Variants in PAK4 observed in about 807,000 individuals in gnomAD.
PAK4 encodes p21 (RAC1) activated kinase 4, also known as serine/threonine-protein kinase PAK 4.
PAK4 carries 49 observed loss-of-function variants against 53.5 expected under a neutral mutation model. That is an observed-to-expected ratio of 0.92 (90% CI 0.73 to 1.16). The LOEUF is 1.16. Among genes scored for constraint, PAK4 ranks in the 50% most tolerant of loss-of-function variants. PAK4 has a pLI of 0.00. For missense variants in PAK4, 824 were observed against 850.7 expected, an observed-to-expected ratio of 0.97 and a Z score of 0.39; for synonymous variants, 376 against 375.6, an observed-to-expected ratio of 1.00 and a Z score of -0.01.
At chr19:39,127,376 CCT>C (rs2073606689) in intron 1 of PAK4, among the ~76,000 whole-genome samples, 1 of 152,034 alleles carries the variant, frequency 6.6e-6, no homozygotes, top group Admixed American at 6.6e-5. Context: ...CCCACCCTGC[CCT>C]CTCTCACTGA....
intron 1 of PAK4, among the ~76,000 whole-genome samples, chr19:39,158,778 G>A (rs1483367427): frequency 2.6e-5 from 4 of 152,132 alleles, no homozygotes; most frequent in Non-Finnish European, 5.9e-5. Context: ...CTGCCCTCCT[G>A]GGTCTCCCAG....
Position 39,173,991 on chromosome 19 carries a change from G to T in PAK4, c.1079G>T (p.Arg360Leu). Residue 360 changes from arginine (R) to leucine (L), a missense_variant, in exon 4 of 9, where the codon CGC becomes CTC. Physicochemically the swap from Arg to Leu is moderately radical, Grantham distance 102 (BLOSUM62 -2). Transcript: ENST00000358301. This position sits in a 1 kb window ranked among gnomAD's most constrained non-coding sequence, Gnocchi z 6.9. ...ATGGACCTGCGCAAGCAGCAGAGGC[G>T]CGAGCTGCTCTTCAACGAGGTGCGG... The T allele has an allele frequency of 6.2e-7, 1 of 1,600,446 alleles. No individual in the cohort carries two copies. The highest frequency in any genetic ancestry group is 8.5e-7 in the Non-Finnish European group (1 of 1,175,778).
intron 2 of PAK4, among the ~76,000 whole-genome samples, chr19:39,172,376 C>T (rs2074498758): frequency 1.3e-5 from 2 of 152,126 alleles, no homozygotes; most frequent in Non-Finnish European, 2.9e-5. Flanking sequence ...TTGCATTTGC[C>T]ACCCGGCTCC....
chr19:39,135,371 T>C (rs1407040580), intron 1 of PAK4, among the ~76,000 whole-genome samples: 1 of 133,960 alleles, frequency 7.5e-6, no homozygotes, highest in Non-Finnish European at 1.5e-5. Context: ...AGCCTTGCTC[T>C]GTCACCAGGG....
chr19:39,154,196 C>T (rs773680143), intron 1 of PAK4, among the ~76,000 whole-genome samples: 7 of 152,078 alleles, frequency 4.6e-5, no homozygotes, highest in Non-Finnish European at 8.8e-5. Context: ...CATGGGCCTG[C>T]GTTATGCTGG....
chr19:39,135,998 G>A (rs2073807082), intron 1 of PAK4, among the ~76,000 whole-genome samples: 2 of 142,102 alleles, frequency 1.4e-5, no homozygotes, highest in African/African-American at 2.6e-5. Context: ...CCCCTTCCTC[G>A]TCATCCCCCT....
chr19:39,133,565 C>T lies in PAK4; in HGVS notation c.-23+7646C>T, dbSNP rs75679767. 4.9e-4 allele frequency among the ~76,000 whole-genome samples: 75 copies of T among 152,244 alleles called. No homozygotes were observed. In the East Asian group the frequency reaches 0.013, roughly 26 times the overall value. ...CGCTGTGGCCGCTTCCCCTGCTACC[C>T]GGGGCTAAGCCTGAGGGTTACAAAG... is the stretch of plus-strand genomic sequence containing the variant. On this transcript the variant is annotated intron_variant, in intron 1 of 8. Transcript: ENST00000358301.
In PAK4 at chr19:39,137,644, G is replaced by A. The variant is rs564134600; in HGVS notation, c.-23+11725G>A. Among the ~76,000 whole-genome samples the A allele has an allele frequency of 1.7e-3, 252 of 152,100 alleles. 2 individuals carry two copies. The highest frequency in any genetic ancestry group is 5.8e-3 in the African/African-American group (241 of 41,504). On this transcript the variant is annotated intron_variant, in intron 1 of 8. Transcript: ENST00000358301. ...ATTTGTTCTTCCAGACTCCTGTGAA[G>A]GAAGGGCCAGTTCAGGTCACTTTCC... is the stretch of plus-strand genomic sequence containing the variant.
intron 1 of PAK4, among the ~76,000 whole-genome samples, chr19:39,132,829 C>T (rs889860420): frequency 6.6e-6 from 1 of 152,254 alleles, no homozygotes; most frequent in Admixed American, 6.5e-5. Flanking sequence ...CGGGTGTCAC[C>T]TGACATTCTC....
chr19:39,148,594 A>G (rs1207494592), intron 1 of PAK4, among the ~76,000 whole-genome samples: 5 of 147,272 alleles, frequency 3.4e-5, no homozygotes, highest in Admixed American at 1.4e-4. Flanking sequence ...AGCTGGGACT[A>G]GGGAGGCGCC....
chr19:39,129,548 C>T (rs1447963052), intron 1 of PAK4, among the ~76,000 whole-genome samples: 2 of 152,324 alleles, frequency 1.3e-5, no homozygotes, highest in South Asian at 2.1e-4. Context: ...CCCTTTATTT[C>T]AAGTCCTGCT....
At chr19:39,165,647 A>C (rs1210329862) in intron 1 of PAK4, among the ~76,000 whole-genome samples, 2 of 152,214 alleles carry the variant, frequency 1.3e-5, no homozygotes, top group South Asian at 4.1e-4. Flanking sequence ...TTCCATACAC[A>C]ACCGCCCAGG....
rs79796093 is a variant in PAK4, at chr19:39,142,450, C to T, written c.-23+16531C>T. ...AAAAATTAAGTTTTTTTTAAAAAAG[C>T]GAGTGGGTTGAGAAGAACACTCTGA... On this transcript the variant is annotated intron_variant, in intron 1 of 8. Transcript: ENST00000358301. Among the ~76,000 whole-genome samples, 440 of 152,192 alleles carry T rather than the reference C, an allele frequency of 2.9e-3. 4 individuals carry two copies. The highest frequency in any genetic ancestry group is 1.0e-2 in the African/African-American group (414 of 41,514).
chr19:39,137,596 C>T (rs2073838814), intron 1 of PAK4, among the ~76,000 whole-genome samples: 1 of 151,998 alleles, frequency 6.6e-6, no homozygotes, highest in Non-Finnish European at 1.5e-5. Context: ...TTTCTGGTAG[C>T]CAGTCAGGTG....
At chr19:39,162,462 C>G (rs1021867176) in intron 1 of PAK4, among the ~76,000 whole-genome samples, 3 of 152,102 alleles carry the variant, frequency 2.0e-5, no homozygotes, top group Non-Finnish European at 4.4e-5. Flanking sequence ...GAGACAGGGT[C>G]TCACTAGGTT....
chr19:39,128,934 C>T (rs748263723), intron 1 of PAK4, among the ~76,000 whole-genome samples: 33 of 152,252 alleles, frequency 2.2e-4, no homozygotes, highest in Non-Finnish European at 3.8e-4. Context: ...CTTACTTGGT[C>T]TGGGCTGGGG....
chr19:39,169,439 G>A lies in PAK4; in HGVS notation c.-22-93G>A, dbSNP rs536518316. 129 of 901,548 alleles carry A rather than the reference G, an allele frequency of 1.4e-4. No homozygotes were observed. The Middle Eastern group carries it at 1.9e-3, about 13-fold the overall frequency. The allele number at this position is 901,548 out of a possible 1,614,324, so 55.8% of individuals were successfully genotyped here. A position where few individuals can be genotyped will look rare whatever the true frequency, so the allele number is the denominator to read the frequency against. On this transcript the variant is annotated intron_variant, in intron 1 of 8. Transcript: ENST00000358301. ...GAGGCTACTGCCTCCTGTTGGTCCC[G>A]GTGTAAGATGAGGATGGGAGGGACA...
intron 1 of PAK4, among the ~76,000 whole-genome samples, chr19:39,166,185 C>T (rs1039810974): frequency 6.6e-6 from 1 of 152,216 alleles, no homozygotes; most frequent in South Asian, 2.1e-4. Flanking sequence ...AGGCCAGGCG[C>T]AGGGCTCACG....
At chr19:39,171,599 A>G (rs2074480794) in intron 2 of PAK4, among the ~76,000 whole-genome samples, 1 of 152,256 alleles carries the variant, frequency 6.6e-6, no homozygotes, top group African/African-American at 2.4e-5. Context: ...AGCCACGGCC[A>G]GGAGAGACAG....
Sources: gnomAD v4.1 joint callset for allele counts (sites outside exome capture counted in the v4.1 genomes callset) on GRCh38, gnomAD v4.1.1 for gene constraint, Gnocchi (gnomAD v3.1) non-coding constraint, MANE v1.5 for transcripts, NCBI Gene and HGNC (gene_info 2026-07-23, HGNC 2026-07-21) for gene names.